URB1: variants seen among roughly 807,000 people sequenced by gnomAD.
URB1 encodes the protein URB1 ribosome biogenesis factor, also known as nucleolar pre-ribosomal-associated protein 1.
URB1 carries 197 observed loss-of-function variants against 242.3 expected under a neutral mutation model. The ratio of observed to expected loss-of-function variants is 0.81; its 90% CI spans 0.72 to 0.91. The LOEUF is 0.91. Ranked by LOEUF, URB1 falls within the 40% of genes least tolerant of loss-of-function variation. The pLI, the probability that URB1 is intolerant of heterozygous loss-of-function variation, is 0.00. For synonymous variants in URB1, 1,153 were observed against 1,201.8 expected (o/e 0.96, Z 0.84); for missense variants, 2,721 against 2,860.5 (o/e 0.95, Z 1.11).
intron 14 of URB1, among the ~76,000 whole-genome samples, chr21:32,358,672 G>A (rs985157766): frequency 1.3e-5 from 2 of 152,154 alleles, no homozygotes; most frequent in Non-Finnish European, 2.9e-5. Flanking sequence ...CAAATTATGA[G>A]GCCTCTGTTC....
intron 23 of URB1, among the ~76,000 whole-genome samples, chr21:32,345,044 G>T (rs1170081608): frequency 6.6e-6 from 1 of 152,092 alleles, no homozygotes; most frequent in African/African-American, 2.4e-5. Flanking sequence ...GACATTATGG[G>T]ACAGATAATT....
chr21:32,377,726 G>A (rs2033475241), intron 5 of URB1, among the ~76,000 whole-genome samples: 1 of 152,084 alleles, frequency 6.6e-6, no homozygotes, highest in Non-Finnish European at 1.5e-5. Flanking sequence ...CATCCTGGGA[G>A]GGAGAAGAAG....
rs1260875210 is a variant in URB1, at chr21:32,319,365, G to T, written c.5644C>A (p.Leu1882Met). ...LSNVISLLHTLWVTNLGDKAV... is the reference protein window; with the variant it reads ...LSNVISLLHTMWVTNLGDKAV... ...TTGTCCCCCAGGTTGGTCACCCACA[G>T]TGTGTGTAGCAAGGAGATCACATTA... The change falls in exon 36 of 39, where the codon CTG (leucine) becomes ATG (methionine). Residue 1882 changes from leucine (L) to methionine (M), a missense_variant. Leu to Met is a conservative substitution (Grantham distance 15). Coordinates refer to ENST00000382751, the MANE Select transcript of URB1 (RefSeq NM_014825.3). The T allele has an allele frequency of 1.3e-6, 2 of 1,550,018 alleles. No individual in the cohort carries two copies. The highest frequency in any genetic ancestry group is 4.9e-5 in the East Asian group (2 of 40,852).
At chr21:32,340,163 T>TGA (rs1458553143) in intron 25 of URB1, among the ~76,000 whole-genome samples, 2 of 152,238 alleles carry the variant, frequency 1.3e-5, no homozygotes, top group African/African-American at 2.4e-5. Context: ...TCCTCTTGTG[T>TGA]GAAATACTTT....
rs751115774 is a variant in URB1 at position 32,350,775 on chromosome 21, T to C, written c.2761A>G (p.Met921Val). The C allele has an allele frequency of 1.9e-5, 30 of 1,551,482 alleles. No individual in the cohort carries two copies. The South Asian group carries it at 3.5e-4, about 18-fold the overall frequency. The change falls in exon 20 of 39, where the codon ATG becomes GTG. Residue 921 changes from methionine (M) to valine (V), a missense_variant. Transcript: ENST00000382751. ...TTGGCCGCGAGCAGGACCTGCTGCATGGACAGGTGTGGCATGGTGGCCTGC... is the reference window on the plus strand; with the variant it reads ...TTGGCCGCGAGCAGGACCTGCTGCACGGACAGGTGTGGCATGGTGGCCTGC... Reference protein sequence around the residue: ...QLQATMPHLSMQQVLLAAKQV... With the variant: ...QLQATMPHLSVQQVLLAAKQV...
In URB1 at chr21:32,359,950, C is replaced by T. The variant is rs1229740288; in HGVS notation, c.1757-42G>A. The T allele has an allele frequency of 3.7e-5, 56 of 1,529,254 alleles. No individual in the cohort carries two copies. In the East Asian group the frequency reaches 3.7e-4, roughly 10 times the overall value. The allele number at this position is 1,529,254 out of a possible 1,614,324, so 94.7% of individuals were successfully genotyped here. The stretch of plus-strand genomic sequence containing the variant: ...GGCAGGCTGAAAAAAGTCACATGGA[C>T]GTGGGTGCCCAACAATTGCTGCCCT... On this transcript the variant is annotated intron_variant, in intron 13 of 38. Coordinates refer to ENST00000382751, the MANE Select transcript of URB1 (RefSeq NM_014825.3).
rs1261315141 is a variant in URB1 at position 32,316,765 on chromosome 21, G to A, written c.6335C>T (p.Pro2112Leu). 68 of 1,550,436 alleles carry A rather than the reference G, an allele frequency of 4.4e-5. No individual in the cohort carries two copies. The highest frequency in any genetic ancestry group is 4.9e-5 in the East Asian group (2 of 40,878). ...SWVLRSVAEH[P>L]LSRAEAAGLI... The stretch of plus-strand genomic sequence containing the variant: ...TCCTGCAGCCTCTGCCCTGCTGAGC[G>A]GGTGCTCGGCCACCGACCGCAGCAC... Residue 2112 changes from proline to leucine, a missense_variant, in exon 38 of 39, where the codon CCG (proline) becomes CTG (leucine). Coordinates refer to ENST00000382751, the MANE Select transcript of URB1 (RefSeq NM_014825.3).
At chr21:32,321,590 A>G (rs915227829) in intron 34 of URB1, among the ~76,000 whole-genome samples, 1 of 152,230 alleles carries the variant, frequency 6.6e-6, no homozygotes, top group African/African-American at 2.4e-5. Flanking sequence ...ACTGGGGGTC[A>G]CAACACTGCA....
In URB1 at chr21:32,345,457, C is replaced by G; in HGVS notation, c.3987G>C (p.Leu1329=). ...GATCCTTGGCTCGTGCAAACGGGAC[C>G]AGCTGTGCCAGGATCTCCTGGTACA... ...SGLYQEILAQ[L]VPFARAKDLS... The change falls in exon 23 of 39, where the codon CTG becomes CTC. Residue 1329 remains leucine (L), a synonymous_variant. Coordinates refer to ENST00000382751, the MANE Select transcript of URB1 (RefSeq NM_014825.3). 1 of 1,551,606 alleles carries G rather than the reference C, an allele frequency of 6.4e-7. No individual in the cohort carries two copies. The highest frequency in any genetic ancestry group is 8.7e-7 in the Non-Finnish European group (1 of 1,146,966).
intron 10 of URB1, among the ~76,000 whole-genome samples, chr21:32,366,137 C>T (rs894573839): frequency 6.6e-6 from 1 of 152,120 alleles, no homozygotes; most frequent in South Asian, 2.1e-4. Flanking sequence ...TCCAAAAATG[C>T]CTGAAAACAG....
At position 32,319,380 on chromosome 21, in the gene URB1, A is replaced by G; in HGVS notation, c.5629T>C (p.Ser1877Pro). The change falls in exon 36 of 39, where the codon TCC (serine) becomes CCC (proline). Residue 1877 changes from serine to proline, a missense_variant. By Grantham distance (74) the Ser-to-Pro change is moderately conservative (BLOSUM62 -1). Transcript: ENST00000382751. ...LETPLLSNVISLLHTLWVTNL... is the reference protein window; with the variant it reads ...LETPLLSNVIPLLHTLWVTNL... ...GTCACCCACAGTGTGTGTAGCAAGGAGATCACATTAGACAGCAGCGGAGTC... is the reference window on the plus strand; with the variant it reads ...GTCACCCACAGTGTGTGTAGCAAGGGGATCACATTAGACAGCAGCGGAGTC... 1.3e-6 allele frequency: 2 copies of G among 1,544,110 alleles called. No homozygotes were observed. Among genetic ancestry groups the G allele is most frequent in the South Asian group, 2.4e-5 (2 of 82,690 alleles).
intron 15 of URB1, among the ~76,000 whole-genome samples, chr21:32,356,429 G>A (rs2033221563): frequency 6.6e-6 from 1 of 152,110 alleles, no homozygotes; most frequent in Non-Finnish European, 1.5e-5. Context: ...CTTCTCTCAA[G>A]GCTACTCATC....
chr21:32,320,998 G>A (rs1048260623), intron 34 of URB1, among the ~76,000 whole-genome samples: 2 of 152,342 alleles, frequency 1.3e-5, no homozygotes, highest in Non-Finnish European at 2.9e-5. Context: ...GCTGCTGGCC[G>A]CCAGCCACGA....
intron 24 of URB1, among the ~76,000 whole-genome samples, chr21:32,341,778 T>C (rs2033032991): frequency 6.6e-6 from 1 of 152,200 alleles, no homozygotes; most frequent in African/African-American, 2.4e-5. Flanking sequence ...AGAATAGGCA[T>C]ACAAATTTAT....
Position 32,349,463 on chromosome 21 carries a change from C to T in URB1, c.2853G>A (p.Pro951=), listed in dbSNP as rs1018175243. ...GATCCAGGAAGAGCTGCAGGAGGGGCGGGCCCACACTTCTGCCCAGCTGTG... is the reference window on the plus strand; with the variant it reads ...GATCCAGGAAGAGCTGCAGGAGGGGTGGGCCCACACTTCTGCCCAGCTGTG... ...NFGQLGRSVG[P]PLLQLFLDLL... The change falls in exon 21 of 39, where the codon CCG becomes CCA. Residue 951 remains proline (P), a synonymous_variant. Coordinates refer to ENST00000382751, the MANE Select transcript of URB1 (RefSeq NM_014825.3). 4.5e-6 allele frequency: 7 copies of T among 1,549,432 alleles called. No homozygotes were observed. Among genetic ancestry groups the T allele is most frequent in the East Asian group, 2.5e-5 (1 of 40,798 alleles).
At chr21:32,336,137 G>A (rs1403552017) in intron 28 of URB1, among the ~76,000 whole-genome samples, 3 of 152,108 alleles carry the variant, frequency 2.0e-5, no homozygotes, top group Non-Finnish European at 4.4e-5. Flanking sequence ...CGAGGCTGCC[G>A]CAGGAGAAAG....
intron 31 of URB1, among the ~76,000 whole-genome samples, chr21:32,324,910 TCGTGGATAATAGC>T (rs372783398): frequency 7.4e-4 from 113 of 152,342 alleles, no homozygotes; most frequent in African/African-American, 2.6e-3. Flanking sequence ...GTTCAGTGTG[TCGTGGATAATAGC>T]CACCTTAACC....
Position 32,384,377 on chromosome 21 carries a change from C to A in URB1, c.370G>T (p.Val124Leu), listed in dbSNP as rs899932106. The A allele has an allele frequency of 1.4e-5, 21 of 1,552,182 alleles. No homozygotes were observed. The highest frequency in any genetic ancestry group is 1.1e-4 in the African/African-American group (8 of 73,066). Residue 124 changes from valine to leucine, a missense_variant, in exon 3 of 39, where the codon GTG (valine) becomes TTG (leucine). Transcript: ENST00000382751. ...SHFHVVGTNI[V>L]KKLMNNHMKL... ...ATGTGGTTGTTCATCAGCTTTTTCA[C>A]AATGTTGGTTCCCACAACATGGAAA... is the stretch of plus-strand genomic sequence containing the variant.
intron 10 of URB1, among the ~76,000 whole-genome samples, chr21:32,366,046 T>C (rs1343640529): frequency 6.6e-6 from 1 of 152,200 alleles, no homozygotes; most frequent in African/African-American, 2.4e-5. Context: ...CCCCAGAATG[T>C]GGCTTCTGAT....
Sources: gnomAD v4.1 joint callset for allele counts (sites outside exome capture counted in the v4.1 genomes callset) on GRCh38, gnomAD v4.1.1 for gene constraint, MANE v1.5 for transcripts, NCBI Gene and HGNC (gene_info 2026-07-23, HGNC 2026-07-21) for gene names.